The following SYT16 variants were observed in gnomAD, a reference collection of about 807,000 sequenced individuals.
The protein encoded by SYT16 is synaptotagmin 16.
A neutral mutation model predicts 61.4 loss-of-function variants in SYT16; 42 were observed. That is an observed-to-expected ratio of 0.68 (90% confidence interval 0.53 to 0.89). SYT16 has a LOEUF of 0.89. Among genes scored for constraint, SYT16 ranks in the 40% least tolerant of loss-of-function variants. The pLI is 0.00. For synonymous variants in SYT16, 314 were observed against 302.3 expected, an observed-to-expected ratio of 1.04 and a Z score of -0.40; for missense variants, 804 against 807.3, an observed-to-expected ratio of 1.00 and a Z score of 0.05.
intron 3 of SYT16, among the ~76,000 whole-genome samples, chr14:62,046,401 G>A (rs1173139573): frequency 6.6e-6 from 1 of 151,980 alleles, no homozygotes; most frequent in Non-Finnish European, 1.5e-5. Context: ...CATTCTGTAG[G>A]TTGCCTGTTC....
intron 7 of SYT16, among the ~76,000 whole-genome samples, chr14:62,098,926 A>G (rs1179822671): frequency 1.3e-5 from 2 of 152,206 alleles, no homozygotes; most frequent in Non-Finnish European, 2.9e-5. Context: ...TTAATGAACA[A>G]AAGTCATATG....
At chr14:61,977,407 G>A (rs2051859114) in intron 2 of SYT16, among the ~76,000 whole-genome samples, 1 of 152,292 alleles carries the variant, frequency 6.6e-6, no homozygotes, top group African/African-American at 2.4e-5. Flanking sequence ...GTTCAGCATG[G>A]CTGGAGAGAC....
chr14:61,920,353 A>G (rs1458267195), intron 1 of SYT16, among the ~76,000 whole-genome samples: 1 of 151,936 alleles, frequency 6.6e-6, no homozygotes, highest in African/African-American at 2.4e-5. Flanking sequence ...GCTGCACCTC[A>G]CCTATCAAGC....
chr14:62,052,390 CTT>C (rs2055348069), intron 3 of SYT16, among the ~76,000 whole-genome samples: 1 of 152,102 alleles, frequency 6.6e-6, no homozygotes, highest in Non-Finnish European at 1.5e-5. Flanking sequence ...TTTTAAGAGA[CTT>C]TTATTTTTAA....
At chr14:61,841,244 G>GA (rs1346615332) in intron 1 of SYT16, among the ~76,000 whole-genome samples, 1 of 152,154 alleles carries the variant, frequency 6.6e-6, no homozygotes, top group African/African-American at 2.4e-5. Context: ...GTTCAAAAAA[G>GA]AAAAATCACA....
At chr14:62,078,726 G>A (rs1028901608) in intron 5 of SYT16, among the ~76,000 whole-genome samples, 1 of 152,170 alleles carries the variant, frequency 6.6e-6, no homozygotes, top group African/African-American at 2.4e-5. Context: ...AACTGACTAC[G>A]GGGCAAAAAG....
chr14:61,895,252 ATT>A (rs546626901), intron 1 of SYT16, among the ~76,000 whole-genome samples: 6 of 152,054 alleles, frequency 3.9e-5, no homozygotes, highest in African/African-American at 1.2e-4. Flanking sequence ...GTTTAGTTAA[ATT>A]TTTTTTAAAA....
intron 1 of SYT16, among the ~76,000 whole-genome samples, chr14:61,867,026 T>C (rs1259598891): frequency 6.6e-6 from 1 of 152,048 alleles, no homozygotes; most frequent in East Asian, 1.9e-4. Flanking sequence ...CCCGGTTGCA[T>C]TATCTAGGCA....
intron 3 of SYT16, among the ~76,000 whole-genome samples, chr14:62,022,172 A>G (rs2053935803): frequency 6.6e-6 from 1 of 151,982 alleles, no homozygotes; most frequent in African/African-American, 2.4e-5. Context: ...ATAATTCCAT[A>G]TGAGACTGTT....
At chr14:62,009,299 C>T (rs2053349485) in intron 3 of SYT16, among the ~76,000 whole-genome samples, 1 of 152,118 alleles carries the variant, frequency 6.6e-6, no homozygotes, top group African/African-American at 2.4e-5. Flanking sequence ...CAGAAAGATA[C>T]ATCATGACAT....
chr14:61,982,675 A>G (rs922096246), intron 2 of SYT16, among the ~76,000 whole-genome samples: 1 of 152,182 alleles, frequency 6.6e-6, no homozygotes, highest in Non-Finnish European at 1.5e-5. Context: ...TGAAATGCAC[A>G]TCTTCTTGCT....
rs532251637 is a variant in SYT16, at chr14:62,049,237, T to C, written c.524-20366T>C. 9.8e-5 allele frequency among the ~76,000 whole-genome samples: 15 copies of C among 152,326 alleles called. No homozygotes were observed. In the East Asian group the frequency reaches 2.9e-3, roughly 29 times the overall value. On this transcript the variant is annotated intron_variant, in intron 3 of 7. Coordinates refer to ENST00000683842, the MANE Select transcript of SYT16 (RefSeq NM_001367656.1). ...TCCCTTTACCATTATGTAATGGCCT[T>C]CTTTGTCTCTTTTGATCTTTGTTGG...
chr14:61,887,800 G>A (rs1397217556), intron 1 of SYT16, among the ~76,000 whole-genome samples: 3 of 152,170 alleles, frequency 2.0e-5, no homozygotes, highest in African/African-American at 7.2e-5. Context: ...TTGAGCAAAT[G>A]TTGTGGTTAG....
At chr14:62,003,588 G>A (rs2053107587) in intron 3 of SYT16, among the ~76,000 whole-genome samples, 1 of 151,926 alleles carries the variant, frequency 6.6e-6, no homozygotes, top group African/African-American at 2.4e-5. Flanking sequence ...TTTTGTTGTT[G>A]TTTAAAGAGT....
intron 2 of SYT16, among the ~76,000 whole-genome samples, chr14:61,983,165 T>C (rs2052158512): frequency 6.6e-6 from 1 of 152,212 alleles, no homozygotes; most frequent in Admixed American, 6.5e-5. Flanking sequence ...ATTTGAGTGA[T>C]CAGTTTTAAA....
At chr14:62,054,360 G>GTT (rs11347339) in intron 3 of SYT16, among the ~76,000 whole-genome samples, 24 of 118,288 alleles carry the variant, frequency 2.0e-4, no homozygotes, top group Admixed American at 2.6e-4. Context: ...AGTGAAGTGA[G>GTT]TTTTTTTTTT....
chr14:61,924,120 C>T (rs1215432180), intron 1 of SYT16, among the ~76,000 whole-genome samples: 3 of 152,170 alleles, frequency 2.0e-5, no homozygotes, highest in African/African-American at 7.2e-5. Context: ...GCATAGTAGA[C>T]AGTCCCTTTA....
chr14:62,062,771 A>T lies in SYT16; in HGVS notation c.524-6832A>T, dbSNP rs560977937. Among the ~76,000 whole-genome samples, 5 of 151,758 alleles carry T rather than the reference A, an allele frequency of 3.3e-5. No homozygotes were observed. In the East Asian group the frequency reaches 9.7e-4, roughly 30 times the overall value. ...ATTGGAGAAATCTCGTATCTAAGGG[A>T]TTTCCTGAAATTGCAGTTGAAAGTA... is the stretch of plus-strand genomic sequence containing the variant. On this transcript the variant is annotated intron_variant, in intron 3 of 7. Coordinates refer to ENST00000683842, the MANE Select transcript of SYT16 (RefSeq NM_001367656.1).
At chr14:61,864,613 C>G (rs989970449) in intron 1 of SYT16, among the ~76,000 whole-genome samples, 1 of 152,260 alleles carries the variant, frequency 6.6e-6, no homozygotes, top group African/African-American at 2.4e-5. Flanking sequence ...GCCGCCGCCT[C>G]GCTGCGCGGC....
Sources: gnomAD v4.1 joint callset for allele counts (sites outside exome capture counted in the v4.1 genomes callset) on GRCh38, gnomAD v4.1.1 for gene constraint, MANE v1.5 for transcripts, NCBI Gene and HGNC (gene_info 2026-07-23, HGNC 2026-07-21) for gene names.